BTN2A2: variants seen among roughly 807,000 people sequenced by gnomAD.
BTN2A2 encodes butyrophilin 2.
In BTN2A2, 29 loss-of-function variants were observed where a neutral mutation model predicts 34.7. That is an observed-to-expected ratio of 0.84 (90% CI 0.62 to 1.14). BTN2A2 has a LOEUF of 1.14. Ranked by LOEUF, BTN2A2 falls within the 50% of genes most tolerant of loss-of-function variation. The pLI is 0.00. For synonymous variants in BTN2A2, 240 were observed against 253.1 expected, an observed-to-expected ratio of 0.95 and a Z score of 0.49; for missense variants, 612 against 651.5, an observed-to-expected ratio of 0.94 and a Z score of 0.66.
chr6:26,391,327 A>G (rs1761563139), intron 7 of BTN2A2: 1 of 171,704 alleles, frequency 5.8e-6, no homozygotes, highest in African/African-American at 2.4e-5. Flanking sequence ...GAGCACTGAT[A>G]TTCTGCATGT....
Position 26,392,656 on chromosome 6 carries a change from G to T in BTN2A2, c.1261G>T (p.Glu421Ter). ...TCCTCAGAATGGCTTCTGGACCCTGGAGATGTTTGGAAACCAATACCGGGC... is the reference window on the plus strand; with the variant it reads ...TCCTCAGAATGGCTTCTGGACCCTGTAGATGTTTGGAAACCAATACCGGGC... ...LIPQNGFWTL[E>*]MFGNQYRALS... is the part of the protein sequence containing the mutation. Residue 421 changes from glutamate to a stop codon, truncating the protein, a stop_gained, in exon 8 of 8, where the codon GAG (glutamate) becomes TAG (stop). Transcript: ENST00000356709. LOFTEE classifies it low-confidence loss of function (END_TRUNC). The T allele has an allele frequency of 6.2e-7, 1 of 1,614,218 alleles. No individual in the cohort carries two copies. The highest frequency in any genetic ancestry group is 8.5e-7 in the Non-Finnish European group (1 of 1,180,032).
chr6:26,388,145 C>T lies in BTN2A2; in HGVS notation c.575C>T (p.Ala192Val). 6.2e-7 allele frequency: 1 copy of T among 1,614,190 alleles called. No individual in the cohort carries two copies. Among genetic ancestry groups the T allele is most frequent in the Non-Finnish European group, 8.5e-7 (1 of 1,180,040 alleles). Residue 192 changes from alanine (A) to valine (V), a missense_variant, in exon 4 of 8, where the codon GCC (alanine) becomes GTC (valine). By Grantham distance (64) the Ala-to-Val change is moderately conservative (BLOSUM62 0). Coordinates refer to ENST00000356709, the MANE Select transcript of BTN2A2 (RefSeq NM_006995.5). ...GACCCCTACGGTGAGGTTGTGCCCGCCCTGAAGGAGGTTTCCATCGCTGAT... is the reference window on the plus strand; with the variant it reads ...GACCCCTACGGTGAGGTTGTGCCCGTCCTGAAGGAGGTTTCCATCGCTGAT... ...WRDPYGEVVP[A>V]LKEVSIADAD...
At position 26,390,034 on chromosome 6, in the gene BTN2A2, A is replaced by T. The variant is rs755602515; in HGVS notation, c.754A>T (p.Met252Leu). 3 of 1,613,942 alleles carry T rather than the reference A, an allele frequency of 1.9e-6. No individual in the cohort carries two copies. The highest frequency in any genetic ancestry group is 1.7e-6 in the Non-Finnish European group (2 of 1,180,008). ...CTTTATGCCCAGCGCATCTCCCTGG[A>T]TGGTGGCCCTAGCTGTCATCCTGAC... Reference protein sequence around the residue: ...ESFMPSASPWMVALAVILTAS... With the variant: ...ESFMPSASPWLVALAVILTAS... Residue 252 changes from methionine (M) to leucine (L), a missense_variant, in exon 5 of 8, where the codon ATG (methionine) becomes TTG (leucine). Transcript: ENST00000356709.
Position 26,392,362 on chromosome 6 carries a change from A to G in BTN2A2, c.980-13A>G, listed in dbSNP as rs904970604. On this transcript the variant is annotated splice_polypyrimidine_tract_variant and intron_variant, in intron 7 of 7. Transcript: ENST00000356709. ...CTGAGACCCCAGGCATAAACCTGAG[A>G]CTTCCTCTGCAGCTGATGTGGTCCT... 1.2e-6 allele frequency: 2 copies of G among 1,613,910 alleles called. No individual in the cohort carries two copies. Among genetic ancestry groups the G allele is most frequent in the Non-Finnish European group, 1.7e-6 (2 of 1,179,948 alleles).
Position 26,392,568 on chromosome 6 carries a change from G to C in BTN2A2, c.1173G>C (p.Val391=), listed in dbSNP as rs1461641192. ...ACTGGGAGGTGGAGGTGGAAAACGT[G>C]ATGGTGTGGACTGTGGGGGTCTGCA... ...KHYWEVEVEN[V]MVWTVGVCRH... is the part of the protein sequence containing the mutation. Residue 391 remains valine, a synonymous_variant, in exon 8 of 8, where the codon GTG becomes GTC. Coordinates refer to ENST00000356709, the MANE Select transcript of BTN2A2 (RefSeq NM_006995.5). 1 of 1,614,224 alleles carries C rather than the reference G, an allele frequency of 6.2e-7. No homozygotes were observed. The highest frequency in any genetic ancestry group is 8.5e-7 in the Non-Finnish European group (1 of 1,180,026).
At chr6:26,390,933 C>T in intron 7 of BTN2A2, 104 bp downstream of exon 7, 1 of 1,556,330 alleles carries the variant, frequency 6.4e-7, no homozygotes, top group Middle Eastern at 2.3e-4. Context: ...TACACAGGGA[C>T]CATAGGGAAC....
Position 26,393,670 on chromosome 6 carries a change from G to C in BTN2A2, c.*703G>C. 1 of 991,688 alleles carries C rather than the reference G, an allele frequency of 1.0e-6. No individual in the cohort carries two copies. The highest frequency in any genetic ancestry group is 1.2e-6 in the Non-Finnish European group (1 of 833,976). The allele number at this position is 991,688 out of a possible 1,614,324, so 61.4% of individuals were successfully genotyped here. On this transcript the variant is annotated 3_prime_UTR_variant, in exon 8 of 8. Coordinates refer to ENST00000356709, the MANE Select transcript of BTN2A2 (RefSeq NM_006995.5). ...AGGGGTCAGTACTTAGTCCCTGAGT[G>C]TGGTTGAGGTTTGAGGTCCTGGTCG...
At chr6:26,390,263 A>C (rs1294394699) in intron 5 of BTN2A2, 52 bp downstream of exon 5, 1 of 1,548,058 alleles carries the variant, frequency 6.5e-7, no homozygotes, top group Admixed American at 1.9e-5. Flanking sequence ...TTCAAAAAGA[A>C]AAGTTAAATG....
intron 3 of BTN2A2, among the ~76,000 whole-genome samples, chr6:26,387,552 A>G: frequency 6.7e-6 from 1 of 149,236 alleles, no homozygotes; most frequent in African/African-American, 2.5e-5. Flanking sequence ...GCAACATGGC[A>G]AAACCCCATC....
At chr6:26,385,553 T>A in intron 3 of BTN2A2, 191 bp downstream of exon 3, 2 of 164,552 alleles carry the variant, frequency 1.2e-5, no homozygotes, top group Non-Finnish European at 2.5e-5. Context: ...GTTTCACTTC[T>A]TTTTTTTTTT....
chr6:26,393,963 T>G lies in BTN2A2; in HGVS notation c.*996T>G. On this transcript the variant is annotated 3_prime_UTR_variant, in exon 8 of 8. Transcript: ENST00000356709. ...GATGTTTTGTGAAAAAGCAATCTAT[T>G]GTGTCCAAATAAAAAAACAAAAAGT... 2 of 294,798 alleles carry G rather than the reference T, an allele frequency of 6.8e-6. No homozygotes were observed. The highest frequency in any genetic ancestry group is 1.1e-3 in the Middle Eastern group (1 of 882). 18.3% of individuals were successfully genotyped at this position (294,798 alleles called of 1,614,324 possible).
chr6:26,391,236 G>A (rs1761559346), intron 7 of BTN2A2: 1 of 255,826 alleles, frequency 3.9e-6, no homozygotes, highest in Non-Finnish European at 7.6e-6. Context: ...CCTATGTGAG[G>A]AAAAGGCCAT....
intron 4 of BTN2A2, among the ~76,000 whole-genome samples, chr6:26,388,863 T>G (rs1243003532): frequency 6.6e-6 from 1 of 152,198 alleles, no homozygotes; most frequent in Non-Finnish European, 1.5e-5. Context: ...GGCTCACACC[T>G]GCAATCCCAG....
chr6:26,389,918 G>A (rs1761457965), intron 4 of BTN2A2, 87 bp from the exon 5 acceptor site: 5 of 1,283,464 alleles, frequency 3.9e-6, no homozygotes, highest in Non-Finnish European at 5.4e-6. Context: ...ACAGGTGGCT[G>A]AGGAGCTCTT....
chr6:26,392,838 G>T lies in BTN2A2; in HGVS notation c.1443G>T (p.Arg481Ser). The change falls in exon 8 of 8, where the codon AGG (arginine) becomes AGT (serine). Residue 481 changes from arginine to serine, a missense_variant. Coordinates refer to ENST00000356709, the MANE Select transcript of BTN2A2 (RefSeq NM_006995.5). ...CPRSAFTVPV[R>S]PFFRLGSDDS... Reference sequence around the variant, plus strand: ...GTTCAGCCTTTACTGTGCCTGTGAGGCCCTTCTTCAGGTTAGGGTCTGATG... The same window carrying T: ...GTTCAGCCTTTACTGTGCCTGTGAGTCCCTTCTTCAGGTTAGGGTCTGATG... The T allele has an allele frequency of 6.2e-7, 1 of 1,614,166 alleles. No individual in the cohort carries two copies.
intron 4 of BTN2A2, 110 bp from the exon 5 acceptor site, chr6:26,389,895 A>G (rs1211047682): frequency 6.9e-6 from 7 of 1,018,162 alleles, no homozygotes; most frequent in Non-Finnish European, 1.0e-5. Context: ...TTTCTGAGGG[A>G]GAAGCCAACA....
Position 26,383,993 on chromosome 6 carries a change from A to T in BTN2A2, c.94+78A>T. 6.7e-7 allele frequency: 1 copy of T among 1,493,052 alleles called. No individual in the cohort carries two copies. The highest frequency in any genetic ancestry group is 9.3e-7 in the Non-Finnish European group (1 of 1,071,178). 92.5% of individuals were successfully genotyped at this position (1,493,052 alleles called of 1,614,324 possible). ...CTGTAGTCTGCAAAGGGAAAGAAGG[A>T]AGAACTGTGGGGTTGTTGACTTATC... On this transcript the variant is annotated intron_variant, in intron 2 of 7. Transcript: ENST00000356709. The surrounding 1 kb of genome is among the most constrained non-coding windows in gnomAD (Gnocchi z 4.4).
intron 4 of BTN2A2, among the ~76,000 whole-genome samples, chr6:26,388,828 G>C (rs180814629): frequency 6.6e-6 from 1 of 152,304 alleles, no homozygotes; most frequent in Non-Finnish European, 1.5e-5. Flanking sequence ...TCATATTCTA[G>C]AGAGAGACAG....
intron 5 of BTN2A2, 110 bp downstream of exon 5, chr6:26,390,321 T>G (rs1761494091): frequency 2.6e-6 from 3 of 1,154,106 alleles, no homozygotes; most frequent in Non-Finnish European, 2.4e-6. Flanking sequence ...CTCTCACAGG[T>G]ACCGGCTTAG....
Sources: allele counts gnomAD v4.1 joint callset (sites outside exome capture counted in the v4.1 genomes callset), GRCh38; gene constraint gnomAD v4.1.1; non-coding constraint Gnocchi (gnomAD v3.1); transcripts MANE v1.5; gene names NCBI Gene and HGNC (gene_info 2026-07-23, HGNC 2026-07-21).